The following ZNF652 variants were observed in gnomAD, a reference collection of about 807,000 sequenced individuals.
The protein encoded by ZNF652 is zinc finger protein 652.
Under a neutral mutation model 45.2 loss-of-function variants are expected in ZNF652, and 16 were observed. That is an observed-to-expected ratio of 0.35 (90% confidence interval 0.24 to 0.54). The LOEUF is 0.54. ZNF652 is among the 20% of genes least tolerant of loss of function. The probability of loss-of-function intolerance (pLI) is 0.91; values close to 1 mark genes in which losing one functional copy is unlikely to be tolerated. For missense variants in ZNF652, 614 were observed against 765.6 expected (o/e 0.80, Z 2.34); for synonymous variants, 250 against 260.6 (o/e 0.96, Z 0.39).
In ZNF652 at chr17:49,341,987, A is replaced by C. The variant is rs1272183653; in HGVS notation, c.-259+19922T>G. Among the ~76,000 whole-genome samples the C allele has an allele frequency of 2.0e-5, 3 of 152,154 alleles. No individual in the cohort carries two copies. The East Asian group carries it at 5.8e-4, about 29-fold the overall frequency. ...GATCGCCTGAGATCAGGAGTTCGAG[A>C]CCAGCCTGACCAATATGGCGAAACC... On this transcript the variant is annotated intron_variant, in intron 1 of 5. Coordinates refer to ENST00000430262, the MANE Select transcript of ZNF652 (RefSeq NM_001145365.3).
chr17:49,337,283 C>T (rs1189699559), intron 1 of ZNF652, among the ~76,000 whole-genome samples: 1 of 148,820 alleles, frequency 6.7e-6, no homozygotes, highest in Non-Finnish European at 1.5e-5. Flanking sequence ...CTATAGTAAG[C>T]TATGATCATG....
chr17:49,357,842 G>A (rs1052054110), intron 1 of ZNF652, among the ~76,000 whole-genome samples: 8 of 152,136 alleles, frequency 5.3e-5, no homozygotes, highest in Non-Finnish European at 1.2e-4. Context: ...ACCAAGTTCC[G>A]CCAGCCATAG....
rs1247482186 is a variant in ZNF652 at position 49,292,371 on chromosome 17, ACCT to A, written c.*6039_*6041del. Among the ~76,000 whole-genome samples, 1 of 152,040 alleles carries A rather than the reference ACCT, an allele frequency of 6.6e-6. No individual in the cohort carries two copies. Among genetic ancestry groups the A allele is most frequent in the East Asian group, 1.9e-4 (1 of 5,196 alleles). ...CGATCATATTATATAAAACACTGCA[ACCT>A]CCTTTTCATTACATCCTTCATATAT... On this transcript the variant is annotated 3_prime_UTR_variant, in exon 6 of 6. Coordinates refer to ENST00000430262, the MANE Select transcript of ZNF652 (RefSeq NM_001145365.3).
rs2143677052 is a variant in ZNF652, at chr17:49,294,986, A to AC, written c.*3426dup. 6.6e-6 allele frequency: 1 copy of AC among 152,292 alleles called. No homozygotes were observed. Among genetic ancestry groups the AC allele is most frequent in the Non-Finnish European group, 1.5e-5 (1 of 68,028 alleles). The allele number at this position is 152,292 out of a possible 1,614,324, so 9.4% of individuals were successfully genotyped here. ...ATGCAACTTTTATCTTACAAAGAGG[A>AC]CCCCAACCAAATTTTCAACCCTGAG... is the stretch of plus-strand genomic sequence containing the variant. On this transcript the variant is annotated 3_prime_UTR_variant, in exon 6 of 6. Coordinates refer to ENST00000430262, the MANE Select transcript of ZNF652 (RefSeq NM_001145365.3).
In ZNF652 at chr17:49,293,542, G is replaced by C. The variant is rs971871771; in HGVS notation, c.*4871C>G. On this transcript the variant is annotated 3_prime_UTR_variant, in exon 6 of 6. Transcript: ENST00000430262. ...CTTTATCGAGGTAGTGTCCAGGGTT[G>C]GAAGGTCATCATTCTTTATTGTAAG... Among the ~76,000 whole-genome samples the C allele has an allele frequency of 1.3e-5, 2 of 151,470 alleles. No homozygotes were observed. Among genetic ancestry groups the C allele is most frequent in the Non-Finnish European group, 2.9e-5 (2 of 67,894 alleles).
chr17:49,334,824 T>C (rs1434541982), intron 1 of ZNF652, among the ~76,000 whole-genome samples: 2 of 149,068 alleles, frequency 1.3e-5, no homozygotes, highest in Non-Finnish European at 3.0e-5. Flanking sequence ...TGGTACAAGA[T>C]GGAAAAACCC....
At chr17:49,333,758 G>A (rs928740489) in intron 1 of ZNF652, among the ~76,000 whole-genome samples, 64 of 148,990 alleles carry the variant, frequency 4.3e-4, no homozygotes, top group Middle Eastern at 3.6e-3. Flanking sequence ...ATATACAAAT[G>A]GCCAATGCGT....
At chr17:49,361,534 G>A (rs931996132) in intron 1 of ZNF652, among the ~76,000 whole-genome samples, 1 of 152,224 alleles carries the variant, frequency 6.6e-6, no homozygotes, top group Admixed American at 6.5e-5. Context: ...ACCAGCTGCA[G>A]GGCAGGAGAA....
intron 5 of ZNF652, among the ~76,000 whole-genome samples, chr17:49,309,329 TAAAAAAAAA>T (rs11307814): frequency 3.3e-4 from 22 of 66,316 alleles, no homozygotes; most frequent in African/African-American, 1.3e-3. Flanking sequence ...CTGTCTCTAC[TAAAAAAAAA>T]AAAAAAAAAA....
chr17:49,355,175 C>G (rs2070322480), intron 1 of ZNF652, among the ~76,000 whole-genome samples: 1 of 152,020 alleles, frequency 6.6e-6, no homozygotes, highest in South Asian at 2.1e-4. Context: ...TTTAGAACTT[C>G]AGGGTTCTAA....
At chr17:49,328,607 A>G (rs752113406) in intron 1 of ZNF652, among the ~76,000 whole-genome samples, 1 of 151,844 alleles carries the variant, frequency 6.6e-6, no homozygotes, top group Non-Finnish European at 1.5e-5. Context: ...CACTTCCCCA[A>G]TCTCTATCTC....
chr17:49,296,780 A>C lies in ZNF652; in HGVS notation c.*1633T>G, dbSNP rs1057490703. ...AGAGGGGGTGGGAGGTAAGTGATTT[A>C]GCCTGGGAACTCAGTTCTCTCAGAT... On this transcript the variant is annotated 3_prime_UTR_variant, in exon 6 of 6. Transcript: ENST00000430262. 3.9e-5 allele frequency: 6 copies of C among 152,192 alleles called. No individual in the cohort carries two copies. The highest frequency in any genetic ancestry group is 1.4e-4 in the African/African-American group (6 of 41,434). The allele number at this position is 152,192 out of a possible 1,614,324, so 9.4% of individuals were successfully genotyped here. A position where few individuals can be genotyped will look rare whatever the true frequency, so the allele number is the denominator to read the frequency against.
intron 1 of ZNF652, among the ~76,000 whole-genome samples, chr17:49,338,665 T>C (rs189260983): frequency 1.3e-5 from 2 of 152,310 alleles, no homozygotes; most frequent in East Asian, 3.9e-4. Context: ...AATAGCCAAC[T>C]GGATAGAAGC....
At chr17:49,322,497 G>T (rs535489822) in intron 1 of ZNF652, 1 of 152,154 alleles carries the variant, frequency 6.6e-6, no homozygotes, top group African/African-American at 2.4e-5. Context: ...TTGCCGGTTC[G>T]GCTCCAGACC....
chr17:49,356,574 C>T (rs923959770), intron 1 of ZNF652, among the ~76,000 whole-genome samples: 1 of 151,576 alleles, frequency 6.6e-6, no homozygotes, highest in Admixed American at 6.6e-5. Flanking sequence ...GCTCACATAG[C>T]ATTAGGGCTA....
At chr17:49,356,936 C>G (rs914507448) in intron 1 of ZNF652, among the ~76,000 whole-genome samples, 1 of 151,122 alleles carries the variant, frequency 6.6e-6, no homozygotes, top group African/African-American at 2.4e-5. Context: ...TGGAATAAAA[C>G]TGTATACATG....
rs1407108689 is a variant in ZNF652 at position 49,317,650 on chromosome 17, C to A, written c.76G>T (p.Asp26Tyr). The A allele has an allele frequency of 6.2e-7, 1 of 1,613,454 alleles. No individual in the cohort carries two copies. Among genetic ancestry groups the A allele is most frequent in the African/African-American group, 1.3e-5 (1 of 74,936 alleles). Residue 26 changes from aspartate to tyrosine, a missense_variant, in exon 2 of 6, where the codon GAT becomes TAT. This residue lies in a region of ZNF652 where 133 missense variants were observed against 132.2 expected (regional missense o/e 1.01). Coordinates refer to ENST00000430262, the MANE Select transcript of ZNF652 (RefSeq NM_001145365.3). ...AVHVAGMAQE[D>Y]SRRGQVPSSF... ...GATGGCACTTGACCACGACGGCTATCTTCTTGTGCCATTCCTGCTACATGC... is the reference window on the plus strand; with the variant it reads ...GATGGCACTTGACCACGACGGCTATATTCTTGTGCCATTCCTGCTACATGC...
At chr17:49,326,987 T>A (rs1306510235) in intron 1 of ZNF652, among the ~76,000 whole-genome samples, 1 of 152,122 alleles carries the variant, frequency 6.6e-6, no homozygotes, top group Non-Finnish European at 1.5e-5. Context: ...CCATAAATTT[T>A]ACCAATCTAT....
rs978569293 is a variant in ZNF652 at position 49,292,964 on chromosome 17, A to G, written c.*5449T>C. On this transcript the variant is annotated 3_prime_UTR_variant, in exon 6 of 6. Transcript: ENST00000430262. ...AGTCAGAGGTAGGATTTAGATCAGG[A>G]AAAGAATGTTCCAGGATGCTGGCAT... Among the ~76,000 whole-genome samples the G allele has an allele frequency of 9.9e-5, 15 of 152,176 alleles. No individual in the cohort carries two copies. Among genetic ancestry groups the G allele is most frequent in the African/African-American group, 3.6e-4 (15 of 41,452 alleles).
Sources: gnomAD v4.1 joint callset for allele counts (sites outside exome capture counted in the v4.1 genomes callset) on GRCh38, gnomAD v4.1.1 for gene constraint, gnomAD v4.1.1 regional missense constraint, MANE v1.5 for transcripts, NCBI Gene and HGNC (gene_info 2026-07-23, HGNC 2026-07-21) for gene names.